The following CCDC51 variants were observed in gnomAD, a reference collection of about 807,000 sequenced individuals.
The protein encoded by CCDC51 is coiled-coil domain containing 51, also known as mitochondrial potassium channel.
In CCDC51, 25 loss-of-function variants were observed where a neutral mutation model predicts 24.8. That is an observed-to-expected ratio of 1.01 (90% CI 0.73 to 1.41). CCDC51 has a LOEUF of 1.41. CCDC51 is among the 40% of genes most tolerant of loss of function. The probability of loss-of-function intolerance (pLI) is 0.00; values close to 1 mark genes in which losing one functional copy is unlikely to be tolerated. For synonymous variants in CCDC51, 190 were observed against 204.3 expected (o/e 0.93, Z 0.60); for missense variants, 466 against 519.1 (o/e 0.90, Z 0.99).
chr3:48,440,353 G>A (rs760720991), upstream of CCDC51: 10 of 1,611,934 alleles, frequency 6.2e-6, no homozygotes, highest in Non-Finnish European at 8.5e-6. Flanking sequence ...GGACGGCGGG[G>A]TGGGGACCGG....
At position 48,439,819 on chromosome 3, in the gene CCDC51, A is replaced by G. The variant is rs372606527; in HGVS notation, c.-9+169T>C. Reference sequence around the variant, plus strand: ...AAACTGCTGCACCCCTGACTATATTATAAAACTCCTTACAGGGTTTTCCAA... The same window carrying G: ...AAACTGCTGCACCCCTGACTATATTGTAAAACTCCTTACAGGGTTTTCCAA... On this transcript the variant is annotated intron_variant, in intron 1 of 3. Transcript: ENST00000395694. 2.6e-5 allele frequency among the ~76,000 whole-genome samples: 4 copies of G among 152,174 alleles called. No individual in the cohort carries two copies. In the East Asian group the frequency reaches 5.8e-4, roughly 22 times the overall value.
At chr3:48,441,085 G>C, upstream of CCDC51, 1 of 161,484 alleles carries the variant, frequency 6.2e-6, no homozygotes, top group Admixed American at 5.9e-5. Flanking sequence ...GCGTGATCCC[G>C]GCTCACTGCA....
upstream of CCDC51, chr3:48,443,811 A>G (rs775153171): frequency 2.6e-6 from 4 of 1,538,532 alleles, 1 homozygote; most frequent in South Asian, 5.0e-5. Context: ...CGTAAGAACT[A>G]TATTTTTCCC....
rs767936072 is a variant in CCDC51 at position 48,433,015 on chromosome 3, A to G, written c.629T>C (p.Leu210Pro). The G allele has an allele frequency of 6.2e-7, 1 of 1,614,220 alleles. No homozygotes were observed. The highest frequency in any genetic ancestry group is 1.1e-5 in the South Asian group (1 of 91,090). ...GCCAGCCACACCAATCAGGGCCCCC[A>G]GGACTGAGCCAATGAGGGACCAGTT... Reference protein sequence around the residue: ...TKNWSLIGSVLGALIGVAGST... With the variant: ...TKNWSLIGSVPGALIGVAGST... The change falls in exon 4 of 4, where the codon CTG becomes CCG. Residue 210 changes from leucine to proline, a missense_variant. Physicochemically the swap from Leu to Pro is moderately conservative, Grantham distance 98 (BLOSUM62 -3). Transcript: ENST00000395694. The surrounding 1 kb of genome is among the most constrained non-coding windows in gnomAD (Gnocchi z 4.4).
chr3:48,433,663 G>A lies in CCDC51; in HGVS notation c.477+44C>T, dbSNP rs780779956. ...GCCCCTCCATGATCTGCCAGGCTAG[G>A]GTCACTGTCCAGGTGCGAAAGGGCT... On this transcript the variant is annotated intron_variant, in intron 3 of 3. Coordinates refer to ENST00000395694, the MANE Select transcript of CCDC51 (RefSeq NM_001256964.2). The surrounding 1 kb of genome is among the most constrained non-coding windows in gnomAD (Gnocchi z 4.4). 7 of 1,586,438 alleles carry A rather than the reference G, an allele frequency of 4.4e-6. No homozygotes were observed. The highest frequency in any genetic ancestry group is 6.0e-6 in the Non-Finnish European group (7 of 1,163,444).
rs1390461940 is a variant in CCDC51 at position 48,435,905 on chromosome 3, C to CT, written c.-8-770dup. ...ACTTCACGACTTCCATAAGCTTTCT[C>CT]TTTCCTCTCCAACCTGCCATTGCTC... On this transcript the variant is annotated intron_variant, in intron 1 of 3. Coordinates refer to ENST00000395694, the MANE Select transcript of CCDC51 (RefSeq NM_001256964.2). The surrounding 1 kb of genome is among the most constrained non-coding windows in gnomAD (Gnocchi z 4.2). Among the ~76,000 whole-genome samples the CT allele has an allele frequency of 6.6e-6, 1 of 152,222 alleles. No individual in the cohort carries two copies. The highest frequency in any genetic ancestry group is 2.4e-5 in the African/African-American group (1 of 41,472).
chr3:48,440,379 C>T (rs754535001), upstream of CCDC51: 9 of 1,611,674 alleles, frequency 5.6e-6, no homozygotes, highest in East Asian at 8.9e-5. Context: ...AGGGGCAGGC[C>T]GAACGTGCTC....
chr3:48,443,660 G>C (rs2039617713), upstream of CCDC51, among the ~76,000 whole-genome samples: 1 of 151,216 alleles, frequency 6.6e-6, no homozygotes, highest in Non-Finnish European at 1.5e-5. Flanking sequence ...GCCACTGCTT[G>C]TACTCCATCT....
upstream of CCDC51, chr3:48,440,323 C>T (rs912016135): frequency 2.5e-6 from 4 of 1,611,312 alleles, no homozygotes; most frequent in Middle Eastern, 1.7e-4. Context: ...GTAAGTGTTC[C>T]GGAACCGTGA....
At chr3:48,440,521 C>G (rs944785984), upstream of CCDC51, 3 of 1,608,028 alleles carry the variant, frequency 1.9e-6, no homozygotes, top group African/African-American at 4.0e-5. Context: ...CTGAGTTGAA[C>G]ACGCTCTGCC....
chr3:48,445,800 TGAAA>T, the CCDC51 span, among the ~76,000 whole-genome samples: 2 of 152,242 alleles, frequency 1.3e-5, no homozygotes, highest in South Asian at 2.1e-4. Context: ...CAGGTAAGGC[TGAAA>T]GAGTCTTGCT....
At chr3:48,438,765 T>C (rs2039451027) in intron 1 of CCDC51, among the ~76,000 whole-genome samples, 1 of 152,238 alleles carries the variant, frequency 6.6e-6, no homozygotes, top group East Asian at 1.9e-4. Flanking sequence ...GAGCAGTCAG[T>C]GTTCCTTTCC....
At chr3:48,440,247 C>A, upstream of CCDC51, 1 of 1,568,340 alleles carries the variant, frequency 6.4e-7, no homozygotes. Flanking sequence ...AAGGGTGGGG[C>A]AGACGCTCCG....
At chr3:48,439,725 CAG>C (rs1202897678) in intron 1 of CCDC51, among the ~76,000 whole-genome samples, 1 of 152,210 alleles carries the variant, frequency 6.6e-6, no homozygotes, top group Non-Finnish European at 1.5e-5. Flanking sequence ...ACTATATTAA[CAG>C]AGTTGTATGG....
chr3:48,440,693 G>A, upstream of CCDC51: 2 of 1,450,220 alleles, frequency 1.4e-6, no homozygotes, highest in Non-Finnish European at 9.5e-7. Flanking sequence ...GGATGAGGGC[G>A]CGGGCATGTC....
chr3:48,435,820 T>G lies in CCDC51; in HGVS notation c.-8-684A>C, dbSNP rs2039335122. Reference sequence around the variant, plus strand: ...TGTTTTTGCCACAGAGGACTTTTCTTAGGTTCACGCCATACAACTCCGCCC... The same window carrying G: ...TGTTTTTGCCACAGAGGACTTTTCTGAGGTTCACGCCATACAACTCCGCCC... On this transcript the variant is annotated intron_variant, in intron 1 of 3. Transcript: ENST00000395694. The surrounding 1 kb of genome is among the most constrained non-coding windows in gnomAD (Gnocchi z 4.2). Among the ~76,000 whole-genome samples, 3 of 152,290 alleles carry G rather than the reference T, an allele frequency of 2.0e-5. No homozygotes were observed. In the South Asian group the frequency reaches 6.2e-4, roughly 32 times the overall value.
Position 48,432,238 on chromosome 3 carries a change from A to G in CCDC51, c.*170T>C. On this transcript the variant is annotated 3_prime_UTR_variant, in exon 4 of 4. Transcript: ENST00000395694. ...GCACAAAGTTTTGATAATTAATGTA[A>G]ATGAACCTTGTCTACAAAGCGAAGC... The G allele has an allele frequency of 1.5e-6, 1 of 660,278 alleles. No individual in the cohort carries two copies. The highest frequency in any genetic ancestry group is 2.2e-5 in the South Asian group (1 of 45,320). 40.9% of individuals were successfully genotyped at this position (660,278 alleles called of 1,614,324 possible).
At position 48,438,787 on chromosome 3, in the gene CCDC51, G is replaced by A. The variant is rs572451968; in HGVS notation, c.-9+1201C>T. Among the ~76,000 whole-genome samples, 19 of 152,236 alleles carry A rather than the reference G, an allele frequency of 1.2e-4. No individual in the cohort carries two copies. In the South Asian group the frequency reaches 2.9e-3, roughly 23 times the overall value. ...CAGTGTTCCTTTCCAAACACAGGTGGAACCATTGTCTCTCTGCTCAACCTC... is the reference window on the plus strand; with the variant it reads ...CAGTGTTCCTTTCCAAACACAGGTGAAACCATTGTCTCTCTGCTCAACCTC... On this transcript the variant is annotated intron_variant, in intron 1 of 3. Transcript: ENST00000395694.
rs2039215387 is a variant in CCDC51 at position 48,432,735 on chromosome 3, C to T, written c.909G>A (p.Leu303=). Residue 303 remains leucine, a synonymous_variant, in exon 4 of 4, where the codon TTG becomes TTA. Transcript: ENST00000395694. ...GCCTGGAATGACTAAGCTGCTCTTT[C>T]AAGGCAGCTGAAAGGACATCTACAT... The part of the protein sequence containing the change: ...DRDVDVLSAA[L]KEQLSHSRQV... 5.6e-6 allele frequency: 9 copies of T among 1,614,060 alleles called. No homozygotes were observed. The South Asian group carries it at 9.9e-5, about 18-fold the overall frequency.
Sources: gnomAD v4.1 joint callset for allele counts (sites outside exome capture counted in the v4.1 genomes callset) on GRCh38, gnomAD v4.1.1 for gene constraint, Gnocchi (gnomAD v3.1) non-coding constraint, MANE v1.5 for transcripts, NCBI Gene and HGNC (gene_info 2026-07-23, HGNC 2026-07-21) for gene names.